Variants in SPECC1L observed in about 807,000 individuals in gnomAD.
SPECC1L encodes sperm antigen with calponin homology and coiled-coil domains 1 like.
SPECC1L carries 40 observed loss-of-function variants against 116.8 expected under a neutral mutation model. The ratio of observed to expected loss-of-function variants is 0.34; its 90% CI spans 0.27 to 0.45. SPECC1L has a LOEUF of 0.45. Among genes scored for constraint, SPECC1L ranks in the 20% least tolerant of loss-of-function variants. SPECC1L has a pLI of 1.00. For missense variants in SPECC1L, 1,110 were observed against 1,373.6 expected, an observed-to-expected ratio of 0.81 and a Z score of 3.03; for synonymous variants, 504 against 500.6, an observed-to-expected ratio of 1.01 and a Z score of -0.09.
At chr22:24,331,315 C>G (rs5751848) in intron 8 of SPECC1L, among the ~76,000 whole-genome samples, 18 of 152,268 alleles carry the variant, frequency 1.2e-4, no homozygotes, top group East Asian at 1.2e-3. Flanking sequence ...TTGCCTTGCT[C>G]TAGTAAATGG....
chr22:24,372,468 A>G lies in SPECC1L; in HGVS notation c.3087+3148A>G, dbSNP rs533655532. On this transcript the variant is annotated intron_variant, in intron 14 of 16. Coordinates refer to ENST00000314328, the MANE Select transcript of SPECC1L (RefSeq NM_015330.6). ...ATCCCTGGGATGCAAGGCTGGTTCA[A>G]CATACGCAAATCAATAAATGTAATC... 1.3e-3 allele frequency among the ~76,000 whole-genome samples: 201 copies of G among 152,322 alleles called. 1 individual carries two copies. The highest frequency in any genetic ancestry group is 3.4e-3 in the Middle Eastern group (1 of 294).
intron 14 of SPECC1L, among the ~76,000 whole-genome samples, chr22:24,401,556 C>T (rs1337341251): frequency 2.0e-5 from 3 of 152,212 alleles, no homozygotes; most frequent in African/African-American, 7.2e-5. Flanking sequence ...TGTTCAGCTG[C>T]CTTGACTATG....
chr22:24,352,795 T>G (rs1418210490), intron 11 of SPECC1L, among the ~76,000 whole-genome samples: 2 of 152,218 alleles, frequency 1.3e-5, no homozygotes, highest in African/African-American at 2.4e-5. Context: ...CTGTGGTTCT[T>G]GATAAAAATC....
intron 14 of SPECC1L, among the ~76,000 whole-genome samples, chr22:24,399,991 A>G (rs1177458738): frequency 2.6e-5 from 4 of 152,256 alleles, no homozygotes; most frequent in Admixed American, 2.6e-4. Flanking sequence ...ACTCCAGGAT[A>G]ATTTAGTTGT....
At chr22:24,360,939 G>A (rs2041630985) in intron 11 of SPECC1L, among the ~76,000 whole-genome samples, 1 of 152,140 alleles carries the variant, frequency 6.6e-6, no homozygotes, top group Admixed American at 6.5e-5. Context: ...ATTCTGTGAT[G>A]CTTGCTTATG....
At chr22:24,310,501 CA>C (rs1459563209) in intron 3 of SPECC1L, among the ~76,000 whole-genome samples, 6 of 152,126 alleles carry the variant, frequency 3.9e-5, no homozygotes, top group Non-Finnish European at 5.9e-5. Context: ...CCTGTTTCCC[CA>C]TATTCTTTCC....
chr22:24,309,007 A>G (rs1049149246), intron 3 of SPECC1L, among the ~76,000 whole-genome samples: 3 of 152,188 alleles, frequency 2.0e-5, no homozygotes, highest in Admixed American at 6.5e-5. Flanking sequence ...TTTCTGACGT[A>G]GTAAGTTTTG....
chr22:24,328,033 C>T (rs1415277539), intron 6 of SPECC1L, among the ~76,000 whole-genome samples: 1 of 152,190 alleles, frequency 6.6e-6, no homozygotes, highest in African/African-American at 2.4e-5. Flanking sequence ...AGTAACACAG[C>T]CGTAAGCGGT....
chr22:24,411,765 A>G, intron 15 of SPECC1L, 61 bp downstream of exon 15: 1 of 1,376,114 alleles, frequency 7.3e-7, no homozygotes, highest in South Asian at 1.2e-5. Context: ...CTGAGAACCA[A>G]GGGCAGCACC....
In SPECC1L at chr22:24,334,717, A is replaced by G. The variant is rs1041488611; in HGVS notation, c.2560+144A>G. On this transcript the variant is annotated intron_variant, in intron 9 of 16. Coordinates refer to ENST00000314328, the MANE Select transcript of SPECC1L (RefSeq NM_015330.6). ...AGTATTAATGCACTAGACTTAACAG[A>G]AGGTGATATTTAATAGAAGGTTTGA... The G allele has an allele frequency of 2.5e-5, 23 of 904,622 alleles. No individual in the cohort carries two copies. The African/African-American group carries it at 3.4e-4, about 14-fold the overall frequency. 56.0% of individuals were successfully genotyped at this position (904,622 alleles called of 1,614,324 possible).
chr22:24,320,398 G>T (rs1233605698), intron 4 of SPECC1L, among the ~76,000 whole-genome samples: 1 of 152,202 alleles, frequency 6.6e-6, no homozygotes, highest in Non-Finnish European at 1.5e-5. Context: ...GATTCACGTA[G>T]ATTTGATTGA....
At chr22:24,354,782 C>T (rs1370361521) in intron 11 of SPECC1L, among the ~76,000 whole-genome samples, 1 of 151,806 alleles carries the variant, frequency 6.6e-6, no homozygotes, top group Non-Finnish European at 1.5e-5. Context: ...ATGTCTCAGC[C>T]TCTTAAGTAG....
At chr22:24,289,600 A>G (rs1168787747) in intron 2 of SPECC1L, among the ~76,000 whole-genome samples, 1 of 152,154 alleles carries the variant, frequency 6.6e-6, no homozygotes, top group Non-Finnish European at 1.5e-5. Context: ...TAGAAATCAT[A>G]AGTTAGTGTG....
intron 1 of SPECC1L, among the ~76,000 whole-genome samples, chr22:24,275,703 A>G (rs2048824277): frequency 6.6e-6 from 1 of 152,212 alleles, no homozygotes; most frequent in South Asian, 2.1e-4. Context: ...AAGACTCATT[A>G]TTCAACTTTT....
chr22:24,414,034 G>A (rs1341506307), intron 16 of SPECC1L, among the ~76,000 whole-genome samples: 2 of 152,182 alleles, frequency 1.3e-5, no homozygotes, highest in South Asian at 2.1e-4. Context: ...TCAGTTCACC[G>A]GTCACAGGTC....
Position 24,412,389 on chromosome 22 carries a change from A to T in SPECC1L, c.3205-259A>T, listed in dbSNP as rs922683535. 5.3e-6 allele frequency: 3 copies of T among 570,344 alleles called. No individual in the cohort carries two copies. The African/African-American group carries it at 5.6e-5, about 11-fold the overall frequency. 35.3% of individuals were successfully genotyped at this position (570,344 alleles called of 1,614,324 possible). On this transcript the variant is annotated intron_variant, in intron 15 of 16. Coordinates refer to ENST00000314328, the MANE Select transcript of SPECC1L (RefSeq NM_015330.6). ...TCAGGTGCCACAGCATTGGTGCGGC[A>T]GAAGTAGGATTCTTCAGGAGTGAGG... is the stretch of plus-strand genomic sequence containing the variant.
chr22:24,385,347 T>C (rs2042141815), intron 14 of SPECC1L, among the ~76,000 whole-genome samples: 1 of 152,130 alleles, frequency 6.6e-6, no homozygotes, highest in Admixed American at 6.5e-5. Context: ...TAGTAATAGA[T>C]GTAAATCCAT....
At chr22:24,319,458 A>G (rs1471757987) in intron 4 of SPECC1L, among the ~76,000 whole-genome samples, 3 of 152,242 alleles carry the variant, frequency 2.0e-5, no homozygotes, top group Non-Finnish European at 4.4e-5. Context: ...CATAGGGATT[A>G]TGGGAACTAC....
intron 14 of SPECC1L, among the ~76,000 whole-genome samples, chr22:24,393,491 A>G (rs1044863687): frequency 2.0e-5 from 3 of 152,194 alleles, no homozygotes; most frequent in Non-Finnish European, 4.4e-5. Flanking sequence ...CACCCAGGAT[A>G]TCTTCCATCA....
Sources: gnomAD v4.1 joint callset for allele counts (sites outside exome capture counted in the v4.1 genomes callset) on GRCh38, gnomAD v4.1.1 for gene constraint, MANE v1.5 for transcripts, NCBI Gene and HGNC (gene_info 2026-07-23, HGNC 2026-07-21) for gene names.